ATP10B: variants seen among roughly 807,000 people sequenced by gnomAD.
ATP10B encodes ATPase phospholipid transporting 10B (putative).
A neutral mutation model predicts 141.2 loss-of-function variants in ATP10B; 122 were observed. The ratio of observed to expected loss-of-function variants is 0.86; its 90% CI spans 0.75 to 1.00. The LOEUF is 1.00. Ranked by LOEUF, ATP10B falls within the 50% of genes least tolerant of loss-of-function variation. ATP10B has a pLI of 0.00. For synonymous variants in ATP10B, 685 were observed against 692.0 expected (o/e 0.99, Z 0.16); for missense variants, 1,876 against 1,825.3 (o/e 1.03, Z -0.51).
intron 25 of ATP10B, 85 bp downstream of exon 25, chr5:160,569,411 A>G: frequency 1.5e-6 from 2 of 1,378,758 alleles, no homozygotes; most frequent in Non-Finnish European, 2.0e-6. Context: ...GCAGAAGTCA[A>G]ACTCCTGACT....
At chr5:160,830,223 A>G (rs1446519057) in intron 1 of ATP10B, among the ~76,000 whole-genome samples, 1 of 152,108 alleles carries the variant, frequency 6.6e-6, no homozygotes, top group Non-Finnish European at 1.5e-5. Context: ...AATTCTGTTT[A>G]TGTGGTGAAT....
At chr5:160,902,873 G>T in the ATP10B span, among the ~76,000 whole-genome samples, 1 of 152,144 alleles carries the variant, frequency 6.6e-6, no homozygotes, top group Non-Finnish European at 1.5e-5. Context: ...TGACTAAAGG[G>T]GTCCTCTGTG....
intron 3 of ATP10B, among the ~76,000 whole-genome samples, chr5:160,698,212 T>C (rs903038768): frequency 6.6e-6 from 1 of 152,188 alleles, no homozygotes; most frequent in Non-Finnish European, 1.5e-5. Context: ...GGAGTACCCA[T>C]TTCCGTGAAT....
chr5:160,756,163 G>A (rs1338100291), intron 2 of ATP10B, among the ~76,000 whole-genome samples: 1 of 150,408 alleles, frequency 6.6e-6, no homozygotes, highest in Non-Finnish European at 1.5e-5. Context: ...TTTTATTTTT[G>A]GCATGGGGAA....
At chr5:160,818,951 A>G (rs1193074785) in intron 1 of ATP10B, among the ~76,000 whole-genome samples, 2 of 152,202 alleles carry the variant, frequency 1.3e-5, no homozygotes, top group Non-Finnish European at 2.9e-5. Flanking sequence ...TTGAACAATG[A>G]GAACACATGG....
At chr5:160,845,351 GT>G (rs1776056795) in intron 1 of ATP10B, among the ~76,000 whole-genome samples, 1 of 152,090 alleles carries the variant, frequency 6.6e-6, no homozygotes, top group Admixed American at 6.6e-5. Context: ...CCATTCACAG[GT>G]TTTAAGAACA....
At chr5:160,751,355 G>A (rs561808358) in intron 2 of ATP10B, among the ~76,000 whole-genome samples, 2 of 152,212 alleles carry the variant, frequency 1.3e-5, no homozygotes, top group East Asian at 3.9e-4. Context: ...GCTATGAAAT[G>A]TCCCTTCAAA....
At chr5:160,867,191 C>CAT in the ATP10B span, among the ~76,000 whole-genome samples, 10 of 65,622 alleles carry the variant, frequency 1.5e-4, no homozygotes, top group Non-Finnish European at 4.0e-4. Context: ...ATGAGAGTCT[C>CAT]ATATATATGC....
intron 2 of ATP10B, among the ~76,000 whole-genome samples, chr5:160,741,390 C>A (rs1171943682): frequency 1.3e-5 from 2 of 152,122 alleles, no homozygotes; most frequent in East Asian, 3.8e-4. Flanking sequence ...GGAGTTCTTC[C>A]CTTCTGGGAG....
intron 24 of ATP10B, among the ~76,000 whole-genome samples, chr5:160,581,084 C>T (rs572576763): frequency 6.6e-6 from 1 of 152,276 alleles, no homozygotes; most frequent in South Asian, 2.1e-4. Flanking sequence ...TTAATCTTTT[C>T]AAAACACTAG....
chr5:160,820,772 C>G (rs1029136853), intron 1 of ATP10B, among the ~76,000 whole-genome samples: 2 of 152,060 alleles, frequency 1.3e-5, no homozygotes, highest in Non-Finnish European at 2.9e-5. Flanking sequence ...ATCAGATGAA[C>G]AGAATGAAGG....
chr5:160,810,039 T>G (rs1335284829), intron 1 of ATP10B, among the ~76,000 whole-genome samples: 1 of 152,226 alleles, frequency 6.6e-6, no homozygotes, highest in Non-Finnish European at 1.5e-5. Context: ...ATTTTGGATC[T>G]CTTGTTAACC....
chr5:160,920,609 G>T, the ATP10B span, among the ~76,000 whole-genome samples: 1,187 of 152,314 alleles, frequency 7.8e-3, 13 homozygotes, highest in African/African-American at 0.027. Flanking sequence ...AGATACGTAA[G>T]TCAGTGTTTT....
Position 160,565,355 on chromosome 5 carries a change from T to G in ATP10B, c.*98A>C. On this transcript the variant is annotated 3_prime_UTR_variant, in exon 26 of 26. Transcript: ENST00000327245. ...AGGTTGTTGAAGAAAAGAATAAGAC[T>G]GGCACATTGTTTCCTCTATGAAGAA... 8.1e-7 allele frequency: 1 copy of G among 1,234,860 alleles called. No individual in the cohort carries two copies. Among genetic ancestry groups the G allele is most frequent in the South Asian group, 1.4e-5 (1 of 70,436 alleles). The allele number at this position is 1,234,860 out of a possible 1,614,324, so 76.5% of individuals were successfully genotyped here.
At chr5:160,839,586 A>G (rs1363823453) in intron 1 of ATP10B, among the ~76,000 whole-genome samples, 1 of 152,168 alleles carries the variant, frequency 6.6e-6, no homozygotes. Flanking sequence ...AAAACACAGT[A>G]AATATAGTGC....
chr5:160,734,954 T>C (rs1256722786), intron 2 of ATP10B, among the ~76,000 whole-genome samples: 1 of 151,942 alleles, frequency 6.6e-6, no homozygotes, highest in Admixed American at 6.6e-5. Flanking sequence ...AAGATGGTAT[T>C]TGTAAGCCTC....
chr5:160,653,041 T>C (rs1761008037), intron 7 of ATP10B, among the ~76,000 whole-genome samples: 1 of 114,972 alleles, frequency 8.7e-6, no homozygotes, highest in Non-Finnish European at 1.7e-5. Flanking sequence ...TATTTATATT[T>C]ATGTATATAA....
intron 2 of ATP10B, among the ~76,000 whole-genome samples, chr5:160,760,833 A>G (rs1768972743): frequency 6.6e-6 from 1 of 152,090 alleles, no homozygotes; most frequent in Admixed American, 6.5e-5. Context: ...CCTGAGAACC[A>G]CACCCTTATC....
chr5:160,777,625 C>G (rs1209991380), intron 2 of ATP10B, among the ~76,000 whole-genome samples: 1 of 152,128 alleles, frequency 6.6e-6, no homozygotes, highest in African/African-American at 2.4e-5. Flanking sequence ...GCTATATGTT[C>G]CTGTTATTAA....
Sources: gnomAD v4.1 joint callset for allele counts (sites outside exome capture counted in the v4.1 genomes callset) on GRCh38, gnomAD v4.1.1 for gene constraint, MANE v1.5 for transcripts, NCBI Gene and HGNC (gene_info 2026-07-23, HGNC 2026-07-21) for gene names.